SLC9A9: variants seen among roughly 807,000 people sequenced by gnomAD.
The protein encoded by SLC9A9 is sodium/hydrogen exchanger 9.
A neutral mutation model predicts 77.8 loss-of-function variants in SLC9A9; 62 were observed. That is an observed-to-expected ratio of 0.80 (90% CI 0.65 to 0.98). SLC9A9 has a LOEUF of 0.98. SLC9A9 is among the 50% of genes least tolerant of loss of function. The probability of loss-of-function intolerance (pLI) is 0.00; values close to 1 mark genes in which losing one functional copy is unlikely to be tolerated. For synonymous variants in SLC9A9, 320 were observed against 283.5 expected (o/e 1.13, Z -1.29); for missense variants, 775 against 774.9 (o/e 1.00, Z 0.00).
At position 143,475,481 on chromosome 3, in the gene SLC9A9, G is replaced by T. The variant is rs187218456; in HGVS notation, c.1316-8291C>A. Among the ~76,000 whole-genome samples, 63 of 151,920 alleles carry T rather than the reference G, an allele frequency of 4.1e-4. 1 individual carries two copies. The highest frequency in any genetic ancestry group is 1.5e-3 in the African/African-American group (61 of 41,476). On this transcript the variant is annotated intron_variant, in intron 11 of 15. Transcript: ENST00000316549. ...TCCATAAGTGAATGGATAAGAGGAG[G>T]TCATTTTTGTGTTTAAAAGTACAAT... is the stretch of plus-strand genomic sequence containing the variant.
chr3:143,808,308 T>TA (rs1163975645), intron 2 of SLC9A9, among the ~76,000 whole-genome samples: 8 of 152,188 alleles, frequency 5.3e-5, no homozygotes, highest in Non-Finnish European at 1.0e-4. Flanking sequence ...GAAACCTGAG[T>TA]AAAAAAGCTT....
intron 12 of SLC9A9, among the ~76,000 whole-genome samples, chr3:143,456,587 T>C (rs1404201130): frequency 3.3e-5 from 5 of 150,672 alleles, no homozygotes; most frequent in African/African-American, 4.9e-5. Context: ...TTTTTTGAGA[T>C]AGAGTCTCAC....
rs187682055 is a variant in SLC9A9 at position 143,572,327 on chromosome 3, G to A, written c.1000+1761C>T. On this transcript the variant is annotated intron_variant, in intron 8 of 15. Coordinates refer to ENST00000316549, the MANE Select transcript of SLC9A9 (RefSeq NM_173653.4). ...TGTGTGTGTGTGTGTGTGTGTGCGC[G>A]TGTGTTTATTATAACATCCAACAGT... Among the ~76,000 whole-genome samples, 315 of 152,034 alleles carry A rather than the reference G, an allele frequency of 2.1e-3. 3 individuals are homozygous for A. The highest frequency in any genetic ancestry group is 6.8e-3 in the Middle Eastern group (2 of 294).
chr3:143,774,895 C>T (rs929263584), intron 4 of SLC9A9, among the ~76,000 whole-genome samples: 2 of 152,128 alleles, frequency 1.3e-5, no homozygotes, highest in Non-Finnish European at 2.9e-5. Flanking sequence ...TTGCCTCCTC[C>T]GTTCATTTTC....
intron 12 of SLC9A9, among the ~76,000 whole-genome samples, chr3:143,465,923 T>C (rs1024395048): frequency 6.6e-6 from 1 of 152,242 alleles, no homozygotes; most frequent in African/African-American, 2.4e-5. Context: ...GAAGTCCTTT[T>C]TTTCCTTGAA....
chr3:143,797,778 T>A lies in SLC9A9; in HGVS notation c.379-875A>T, dbSNP rs138329822. Among the ~76,000 whole-genome samples, 18 of 151,890 alleles carry A rather than the reference T, an allele frequency of 1.2e-4. 1 individual carries two copies. The East Asian group carries it at 3.5e-3, about 29-fold the overall frequency. ...CCACCAGAGAACAACCCCCTTTGAC[T>A]GTAATTTTCCACTACCTACCCAAAT... On this transcript the variant is annotated intron_variant, in intron 2 of 15. Coordinates refer to ENST00000316549, the MANE Select transcript of SLC9A9 (RefSeq NM_173653.4).
At chr3:143,636,606 C>T (rs1345687162) in intron 6 of SLC9A9, among the ~76,000 whole-genome samples, 1 of 152,154 alleles carries the variant, frequency 6.6e-6, no homozygotes, top group East Asian at 1.9e-4. Flanking sequence ...GGTAATTTTT[C>T]AGCCTCATTA....
chr3:143,838,666 C>T (rs180932422), intron 1 of SLC9A9, among the ~76,000 whole-genome samples: 1,670 of 152,198 alleles, frequency 0.011, 13 homozygotes, highest in Middle Eastern at 0.02. Context: ...GAATAACGTT[C>T]AAGGAAGAAT....
At chr3:143,297,601 T>C (rs1034986130) in intron 14 of SLC9A9, among the ~76,000 whole-genome samples, 6 of 152,260 alleles carry the variant, frequency 3.9e-5, no homozygotes, top group Admixed American at 2.6e-4. Context: ...TTTGCTAGTA[T>C]GGACATATTA....
At chr3:143,551,697 A>T (rs1290893312) in intron 9 of SLC9A9, among the ~76,000 whole-genome samples, 1 of 152,228 alleles carries the variant, frequency 6.6e-6, no homozygotes, top group Non-Finnish European at 1.5e-5. Flanking sequence ...TTCTATGACA[A>T]TACTTATAAA....
At position 143,464,249 on chromosome 3, in the gene SLC9A9, C is replaced by T. The variant is rs145266369; in HGVS notation, c.1469+2788G>A. On this transcript the variant is annotated intron_variant, in intron 12 of 15. Coordinates refer to ENST00000316549, the MANE Select transcript of SLC9A9 (RefSeq NM_173653.4). ...AGAGTCTGACAAGAAAGTTGGTTAA[C>T]GAGATATAGCTCTGTAAACAAGCAA... Among the ~76,000 whole-genome samples the T allele has an allele frequency of 7.8e-3, 1,185 of 152,200 alleles. 6 individuals carry two copies. The highest frequency in any genetic ancestry group is 0.013 in the Non-Finnish European group (906 of 68,012).
intron 14 of SLC9A9, among the ~76,000 whole-genome samples, chr3:143,300,814 A>T (rs961842672): frequency 6.6e-6 from 1 of 152,244 alleles, no homozygotes. Context: ...AGTAAAACAC[A>T]GGGAAAAGTT....
intron 14 of SLC9A9, among the ~76,000 whole-genome samples, chr3:143,351,617 AG>A (rs1236762751): frequency 2.0e-5 from 3 of 152,210 alleles, no homozygotes; most frequent in Non-Finnish European, 4.4e-5. Context: ...TAGAAGCCAA[AG>A]ATTGAGGTGG....
intron 14 of SLC9A9, among the ~76,000 whole-genome samples, chr3:143,325,440 C>T (rs2031563695): frequency 6.6e-6 from 1 of 152,220 alleles, no homozygotes; most frequent in Admixed American, 6.5e-5. Context: ...GGCCTCAGTT[C>T]AGAGTTCACT....
chr3:143,667,905 C>A (rs1165557548), intron 5 of SLC9A9, among the ~76,000 whole-genome samples: 4 of 152,234 alleles, frequency 2.6e-5, no homozygotes, highest in South Asian at 2.1e-4. Flanking sequence ...CTAGTTCAAC[C>A]ATTGTGGAAG....
At chr3:143,635,359 A>G (rs1303357882) in intron 6 of SLC9A9, among the ~76,000 whole-genome samples, 1 of 152,166 alleles carries the variant, frequency 6.6e-6, no homozygotes, top group African/African-American at 2.4e-5. Flanking sequence ...TGTATTCTTT[A>G]CACTGAAGGT....
chr3:143,588,710 A>G (rs1376990578), intron 6 of SLC9A9, among the ~76,000 whole-genome samples: 1 of 152,220 alleles, frequency 6.6e-6, no homozygotes. Flanking sequence ...ATTGAGAGGA[A>G]AGTGAATTTG....
intron 14 of SLC9A9, among the ~76,000 whole-genome samples, chr3:143,355,332 G>A (rs926448152): frequency 5.9e-5 from 9 of 152,154 alleles, no homozygotes; most frequent in African/African-American, 2.2e-4. Context: ...TTTAAGACAT[G>A]TGGCTATCAG....
At chr3:143,541,068 C>T (rs966065146) in intron 9 of SLC9A9, among the ~76,000 whole-genome samples, 4 of 152,170 alleles carry the variant, frequency 2.6e-5, no homozygotes, top group African/African-American at 9.7e-5. Context: ...ATTTGACACC[C>T]CTTCCCCCAC....
Sources: allele counts gnomAD v4.1 joint callset (sites outside exome capture counted in the v4.1 genomes callset), GRCh38; gene constraint gnomAD v4.1.1; transcripts MANE v1.5; gene names NCBI Gene and HGNC (gene_info 2026-07-23, HGNC 2026-07-21).